The following STK17A variants were observed in gnomAD, a reference collection of about 807,000 sequenced individuals.
STK17A encodes serine/threonine kinase 17a, also known as serine/threonine-protein kinase 17A.
In STK17A, 26 loss-of-function variants were observed where a neutral mutation model predicts 43.7. The ratio of observed to expected loss-of-function variants is 0.60; its 90% CI spans 0.44 to 0.83. STK17A has a LOEUF of 0.83. Ranked by LOEUF, STK17A falls within the 40% of genes least tolerant of loss-of-function variation. The pLI is 0.00. For synonymous variants in STK17A, 191 were observed against 182.5 expected, an observed-to-expected ratio of 1.05 and a Z score of -0.38; for missense variants, 476 against 511.6, an observed-to-expected ratio of 0.93 and a Z score of 0.67.
intron 1 of STK17A, among the ~76,000 whole-genome samples, chr7:43,585,803 A>G (rs2082434746): frequency 6.6e-6 from 1 of 151,396 alleles, no homozygotes; most frequent in Non-Finnish European, 1.5e-5. Flanking sequence ...GAAGCACTCA[A>G]TAAATGTAAT....
In STK17A at chr7:43,625,880, T is replaced by A. The variant is rs2084473472; in HGVS notation, c.*1038T>A. ...TGCCAAAATATTTATAAACATTTACTTTGTCCATAAAAAATTTACATTGGA... is the reference window on the plus strand; with the variant it reads ...TGCCAAAATATTTATAAACATTTACATTGTCCATAAAAAATTTACATTGGA... On this transcript the variant is annotated 3_prime_UTR_variant, in exon 7 of 7. Coordinates refer to ENST00000319357, the MANE Select transcript of STK17A (RefSeq NM_004760.3). The A allele has an allele frequency of 6.6e-6, 1 of 152,180 alleles. No individual in the cohort carries two copies. Among genetic ancestry groups the A allele is most frequent in the South Asian group, 2.1e-4 (1 of 4,830 alleles). The allele number at this position is 152,180 out of a possible 1,614,324, so 9.4% of individuals were successfully genotyped here. A position where few individuals can be genotyped will look rare whatever the true frequency, so the allele number is the denominator to read the frequency against.
chr7:43,599,617 G>C (rs1162834391), intron 2 of STK17A, among the ~76,000 whole-genome samples: 2 of 152,150 alleles, frequency 1.3e-5, no homozygotes, highest in African/African-American at 4.8e-5. Context: ...ATCTTTATTA[G>C]TCAGGCTTCT....
Position 43,626,716 on chromosome 7 carries a change from A to T in STK17A, c.*1874A>T, listed in dbSNP as rs1342837544. The T allele has an allele frequency of 1.3e-5, 2 of 152,248 alleles. No individual in the cohort carries two copies. The highest frequency in any genetic ancestry group is 3.8e-4 in the East Asian group (2 of 5,202). 9.4% of individuals were successfully genotyped at this position (152,248 alleles called of 1,614,324 possible). On this transcript the variant is annotated 3_prime_UTR_variant, in exon 7 of 7. Transcript: ENST00000319357. ...TTTGTACTTGATGGATCTGTCATCA[A>T]GTTTTAAAATCAGAATCATTTGGGC...
chr7:43,600,314 C>A (rs1033372990), intron 2 of STK17A, among the ~76,000 whole-genome samples: 2 of 152,144 alleles, frequency 1.3e-5, no homozygotes, highest in Non-Finnish European at 2.9e-5. Flanking sequence ...ATTCAGTTTT[C>A]AGGATTTCAA....
chr7:43,583,325 A>G lies in STK17A; in HGVS notation c.82A>G (p.Ser28Gly), dbSNP rs2152969893. The G allele has an allele frequency of 6.8e-7, 1 of 1,468,490 alleles. No homozygotes were observed. Among genetic ancestry groups the G allele is most frequent in the Admixed American group, 2.6e-5 (1 of 38,082 alleles). The allele number at this position is 1,468,490 out of a possible 1,614,324, so 91.0% of individuals were successfully genotyped here. A position where few individuals can be genotyped will look rare whatever the true frequency, so the allele number is the denominator to read the frequency against. The change falls in exon 1 of 7, where the codon AGC becomes GGC. Residue 28 changes from serine to glycine, a missense_variant. Transcript: ENST00000319357. ...CTCGGGCCGGGCAGGCCGGGGTCTG[A>G]GCGGGCCGTGCCGGCCGCCGCCGCC... ...SGSGRAGRGL[S>G]GPCRPPPPPQ...
At chr7:43,622,193 C>CT (rs2083966673) in intron 4 of STK17A, 3 of 152,206 alleles carry the variant, frequency 2.0e-5, no homozygotes, top group Admixed American at 2.0e-4. Context: ...GTTTCTTCCC[C>CT]GGTAATTTGG....
At chr7:43,596,811 T>G (rs2082518680) in intron 2 of STK17A, among the ~76,000 whole-genome samples, 1 of 144,382 alleles carries the variant, frequency 6.9e-6, no homozygotes, top group Non-Finnish European at 1.5e-5. Context: ...GAGGTTGCAG[T>G]GAGCTGAGAT....
chr7:43,601,627 CCCTTTTCTTT>C (rs60373173), intron 2 of STK17A, among the ~76,000 whole-genome samples: 12,204 of 152,140 alleles, frequency 0.08, 587 homozygotes, highest in East Asian at 0.2. Flanking sequence ...CTTTTTTCTT[CCCTTTTCTTT>C]CCTTCTCCTC....
rs563021064 is a variant in STK17A, at chr7:43,598,128, C to T, written c.419+2015C>T. Reference sequence around the variant, plus strand: ...TTACAAACATAACACTCAGATATACCGACAGTCACACAAATGTAACGGTTA... The same window carrying T: ...TTACAAACATAACACTCAGATATACTGACAGTCACACAAATGTAACGGTTA... On this transcript the variant is annotated intron_variant, in intron 2 of 6. Transcript: ENST00000319357. Among the ~76,000 whole-genome samples, 16 of 151,890 alleles carry T rather than the reference C, an allele frequency of 1.1e-4. 1 individual carries two copies. The South Asian group carries it at 1.7e-3, about 16-fold the overall frequency.
intron 1 of STK17A, among the ~76,000 whole-genome samples, chr7:43,588,990 T>G (rs951656270): frequency 9.9e-5 from 15 of 151,306 alleles, no homozygotes; most frequent in Non-Finnish European, 1.5e-5. Flanking sequence ...CACTGGAAGG[T>G]CTTATGGGGG....
At chr7:43,592,852 C>T (rs1583548370) in intron 1 of STK17A, among the ~76,000 whole-genome samples, 1 of 151,968 alleles carries the variant, frequency 6.6e-6, no homozygotes, top group Non-Finnish European at 1.5e-5. Context: ...GGTGACAGAA[C>T]GAGACTGTGT....
intron 1 of STK17A, among the ~76,000 whole-genome samples, chr7:43,593,512 C>T (rs774716079): frequency 5.9e-5 from 9 of 152,120 alleles, no homozygotes; most frequent in African/African-American, 1.4e-4. Flanking sequence ...AGTGTATAAG[C>T]GTTCCCTTTT....
intron 2 of STK17A, among the ~76,000 whole-genome samples, chr7:43,598,138 A>G (rs1262291514): frequency 6.6e-6 from 1 of 152,156 alleles, no homozygotes; most frequent in African/African-American, 2.4e-5. Flanking sequence ...CGACAGTCAC[A>G]CAAATGTAAC....
At chr7:43,593,685 G>A (rs1194895393) in intron 1 of STK17A, among the ~76,000 whole-genome samples, 1 of 143,414 alleles carries the variant, frequency 7.0e-6, no homozygotes, top group Non-Finnish European at 1.5e-5. Flanking sequence ...TTGAAAAAAT[G>A]TCTGTTCATA....
At chr7:43,607,834 A>G (rs2082621568) in intron 2 of STK17A, among the ~76,000 whole-genome samples, 1 of 152,190 alleles carries the variant, frequency 6.6e-6, no homozygotes, top group African/African-American at 2.4e-5. Flanking sequence ...CTTTATTTCA[A>G]TTGAGGAACA....
chr7:43,602,727 A>G (rs1329970450), intron 2 of STK17A, among the ~76,000 whole-genome samples: 2 of 152,110 alleles, frequency 1.3e-5, no homozygotes, highest in Non-Finnish European at 2.9e-5. Context: ...TGTTTTATAC[A>G]TTTACCCTGG....
intron 1 of STK17A, among the ~76,000 whole-genome samples, chr7:43,590,023 G>A (rs1192524128): frequency 2.7e-5 from 4 of 147,620 alleles, no homozygotes; most frequent in East Asian, 2.0e-4. Flanking sequence ...GCATGATCTC[G>A]GCAGCCTAGA....
intron 2 of STK17A, among the ~76,000 whole-genome samples, chr7:43,597,915 ACT>A (rs1768754795): frequency 1.3e-5 from 2 of 152,000 alleles, no homozygotes; most frequent in Admixed American, 6.6e-5. Flanking sequence ...ACAGAGTGAG[ACT>A]CTGTCTCAAA....
chr7:43,587,149 TTTTTG>T (rs1201777893), intron 1 of STK17A, among the ~76,000 whole-genome samples: 1 of 124,076 alleles, frequency 8.1e-6, no homozygotes, highest in South Asian at 2.5e-4. Flanking sequence ...TTTTTATTGT[TTTTTG>T]TTTTTTTTTT....
Sources: gnomAD v4.1 joint callset for allele counts (sites outside exome capture counted in the v4.1 genomes callset) on GRCh38, gnomAD v4.1.1 for gene constraint, MANE v1.5 for transcripts, NCBI Gene and HGNC (gene_info 2026-07-23, HGNC 2026-07-21) for gene names.